DAPK3: variants seen among roughly 807,000 people sequenced by gnomAD.
DAPK3 encodes death-associated protein kinase 3.
A neutral mutation model predicts 30.6 loss-of-function variants in DAPK3; 24 were observed. That is an observed-to-expected ratio of 0.78 (90% CI 0.57 to 1.10). The LOEUF (loss-of-function observed/expected upper bound fraction) is 1.10, where lower values mean the gene tolerates loss of function less well. Ranked by LOEUF, DAPK3 falls within the 50% of genes least tolerant of loss-of-function variation. DAPK3 has a pLI of 0.00. For missense variants in DAPK3, 629 were observed against 657.3 expected (o/e 0.96, Z 0.47); for synonymous variants, 341 against 284.0 (o/e 1.20, Z -2.02).
chr19:3,965,785 C>T (rs1310633125), intron 2 of DAPK3, among the ~76,000 whole-genome samples: 1 of 151,978 alleles, frequency 6.6e-6, no homozygotes, highest in South Asian at 2.1e-4. Context: ...CTGCCTCAGC[C>T]TCTCAAGCAG....
chr19:3,959,481 G>A lies in DAPK3; in HGVS notation c.985C>T (p.Leu329=). The A allele has an allele frequency of 1.3e-6, 2 of 1,551,962 alleles. No individual in the cohort carries two copies. Among genetic ancestry groups the A allele is most frequent in the Non-Finnish European group, 1.7e-6 (2 of 1,155,836 alleles). ...TCCTCGGCGGCCGCCGCCTCCTCCA[G>A]CACCTTGGAGAAGCGCTCGAAGTCG... The part of the protein sequence containing the change: ...YADFERFSKV[L]EEAAAAEEGL... The change falls in exon 9 of 9, where the codon CTG becomes TTG. Residue 329 remains leucine, a synonymous_variant. Coordinates refer to ENST00000545797, the MANE Select transcript of DAPK3 (RefSeq NM_001348.3).
chr19:3,961,622 C>T (rs2039515589), intron 6 of DAPK3: 1 of 433,718 alleles, frequency 2.3e-6, no homozygotes, highest in Non-Finnish European at 4.8e-6. Context: ...AGCAGAGACA[C>T]TGAAGCCCCG....
intron 6 of DAPK3, among the ~76,000 whole-genome samples, chr19:3,962,475 A>G (rs146162226): frequency 1.9e-4 from 29 of 152,254 alleles, no homozygotes; most frequent in African/African-American, 6.5e-4. Flanking sequence ...ACCTCTACAA[A>G]AACTTTTAAA....
intron 8 of DAPK3, 34 bp downstream of exon 8, chr19:3,960,025 G>C (rs2039490619): frequency 7.9e-7 from 1 of 1,257,882 alleles, no homozygotes; most frequent in Non-Finnish European, 1.2e-6. Flanking sequence ...GCCAAGGCGG[G>C]AAGCCCAGGG....
At chr19:3,962,980 T>C (rs1441242939) in intron 6 of DAPK3, among the ~76,000 whole-genome samples, 4 of 151,770 alleles carry the variant, frequency 2.6e-5, no homozygotes, top group Non-Finnish European at 5.9e-5. Flanking sequence ...TGGGCGCCTG[T>C]AATCCCAGCT....
Position 3,960,053 on chromosome 19 carries a change from A to G in DAPK3, c.828+6T>C, listed in dbSNP as rs780831634. The G allele has an allele frequency of 1.3e-6, 2 of 1,509,082 alleles. No individual in the cohort carries two copies. Among genetic ancestry groups the G allele is most frequent in the Non-Finnish European group, 1.8e-6 (2 of 1,084,774 alleles). The allele number at this position is 1,509,082 out of a possible 1,614,324, so 93.5% of individuals were successfully genotyped here. A position where few individuals can be genotyped will look rare whatever the true frequency, so the allele number is the denominator to read the frequency against. On this transcript the variant is annotated splice_donor_region_variant and intron_variant, in intron 8 of 8. Transcript: ENST00000545797. ...GCCCAGGGAGCTCCCCCACCTCCCC[A>G]CTTACCTTAATCCAGGAATGTTCCA...
rs181345641 is a variant in DAPK3, at chr19:3,959,394, C to T, written c.1072G>A (p.Ala358Thr). ...LCHEDVEALAAIYEEKEAWYR... is the reference protein window; with the variant it reads ...LCHEDVEALATIYEEKEAWYR... ...CAGGCCTCCTTCTCCTCGTAGATGG[C>T]GGCCAGCGCCTCCACGTCCTCGTGG... The change falls in exon 9 of 9, where the codon GCC becomes ACC. Residue 358 changes from alanine to threonine, a missense_variant. Transcript: ENST00000545797. The T allele has an allele frequency of 4.8e-4, 759 of 1,569,394 alleles. 7 individuals are homozygous for T. In the East Asian group the frequency reaches 0.015, roughly 31 times the overall value.
chr19:3,963,512 C>T (rs1448032625), intron 6 of DAPK3, 131 bp downstream of exon 6: 7 of 565,978 alleles, frequency 1.2e-5, no homozygotes, highest in Non-Finnish European at 1.6e-5. Context: ...TCCGTTCACC[C>T]GGTATCCCCT....
chr19:3,963,621 G>A, intron 6 of DAPK3, 22 bp downstream of exon 6: 1 of 1,493,202 alleles, frequency 6.7e-7, no homozygotes, highest in Non-Finnish European at 9.0e-7. Flanking sequence ...CACAGCCGAG[G>A]GGGCCCCCGC....
At chr19:3,965,377 G>A (rs2039566556) in intron 2 of DAPK3, among the ~76,000 whole-genome samples, 1 of 152,234 alleles carries the variant, frequency 6.6e-6, no homozygotes. Flanking sequence ...AGCACTTTGG[G>A]AGTTCGAGGA....
At chr19:3,969,067 C>T (rs529923844) in intron 2 of DAPK3, among the ~76,000 whole-genome samples, 4 of 152,198 alleles carry the variant, frequency 2.6e-5, no homozygotes, top group Non-Finnish European at 4.4e-5. Flanking sequence ...TCCCTCCCCC[C>T]ACTTTAAACA....
intron 6 of DAPK3, 71 bp downstream of exon 6, chr19:3,963,572 T>A: frequency 1.0e-6 from 1 of 1,000,332 alleles, no homozygotes; most frequent in Non-Finnish European, 1.5e-6. Flanking sequence ...GGCGTCCACA[T>A]GAGACACACG....
chr19:3,961,596 C>T (rs2039515263), intron 6 of DAPK3: 1 of 463,518 alleles, frequency 2.2e-6, no homozygotes, highest in Non-Finnish European at 4.5e-6. Flanking sequence ...GACACAGCAT[C>T]ATCCCTGGGG....
At chr19:3,961,590 C>T (rs1218901151) in intron 6 of DAPK3, 1 of 465,360 alleles carries the variant, frequency 2.1e-6, no homozygotes, top group Non-Finnish European at 4.5e-6. Context: ...GAGGGTGACA[C>T]AGCATCATCC....
chr19:3,958,840 T>G lies in DAPK3; in HGVS notation c.*261A>C, dbSNP rs563124038. ...TCACGGTGCCACAGGCCACGCTGCC[T>G]GGAGGGTCCCAGGGTCACCGACGAT... On this transcript the variant is annotated 3_prime_UTR_variant, in exon 9 of 9. Transcript: ENST00000545797. The G allele has an allele frequency of 1.7e-6, 1 of 580,364 alleles. No homozygotes were observed. The highest frequency in any genetic ancestry group is 2.0e-5 in the South Asian group (1 of 49,266). The allele number at this position is 580,364 out of a possible 1,614,324, so 36.0% of individuals were successfully genotyped here.
chr19:3,968,942 A>G (rs558631378), intron 2 of DAPK3, among the ~76,000 whole-genome samples: 1 of 152,340 alleles, frequency 6.6e-6, no homozygotes, highest in African/African-American at 2.4e-5. Context: ...GGGACCCTCC[A>G]AGGCCCAGAC....
At chr19:3,959,913 C>T (rs1599175932) in intron 8 of DAPK3, 146 bp downstream of exon 8, 4 of 693,114 alleles carry the variant, frequency 5.8e-6, no homozygotes, top group East Asian at 5.2e-5. Context: ...ACCCAACCCC[C>T]GCCACACAGG....
In DAPK3 at chr19:3,959,428, C is replaced by A; in HGVS notation, c.1038G>T (p.Arg346=). Residue 346 remains arginine, a synonymous_variant, in exon 9 of 9, where the codon CGG becomes CGT. Transcript: ENST00000545797. The stretch of plus-strand genomic sequence containing the variant: ...CCTCCACGTCCTCGTGGCAGAGCCG[C>A]CGGCTGCGCTGCAGCTCGCGCAGGC... ...EEGLRELQRS[R]RLCHEDVEAL... is the part of the protein sequence containing the mutation. 6.4e-7 allele frequency: 1 copy of A among 1,552,698 alleles called. No individual in the cohort carries two copies. Among genetic ancestry groups the A allele is most frequent in the Non-Finnish European group, 8.7e-7 (1 of 1,156,044 alleles).
rs2039628087 is a variant in DAPK3, at chr19:3,971,006, C to G, written c.-180G>C. ...CCCACCCAGCCCTCCAGCCTCGGCC[C>G]GAGCCCGCTCTTTACCCTCCGCAGC... On this transcript the variant is annotated 5_prime_UTR_variant, in exon 1 of 9. Transcript: ENST00000545797. 6.5e-6 allele frequency: 1 copy of G among 152,984 alleles called. No homozygotes were observed. The highest frequency in any genetic ancestry group is 2.4e-5 in the African/African-American group (1 of 41,450). 9.5% of individuals were successfully genotyped at this position (152,984 alleles called of 1,614,324 possible).
Sources: allele counts gnomAD v4.1 joint callset (sites outside exome capture counted in the v4.1 genomes callset), GRCh38; gene constraint gnomAD v4.1.1; transcripts MANE v1.5; gene names NCBI Gene and HGNC (gene_info 2026-07-23, HGNC 2026-07-21).